Variants in MATN2 observed in about 807,000 individuals in gnomAD.
MATN2 encodes matrilin 2, also known as matrilin-2.
Under a neutral mutation model 103.2 loss-of-function variants are expected in MATN2, and 69 were observed. That is an observed-to-expected ratio of 0.67 (90% CI 0.55 to 0.82). The LOEUF (loss-of-function observed/expected upper bound fraction) is 0.82. Among genes scored for constraint, MATN2 ranks in the 40% least tolerant of loss-of-function variants. The pLI, the probability that MATN2 is intolerant of heterozygous loss-of-function variation, is 0.00. For synonymous variants in MATN2, 429 were observed against 450.2 expected (o/e 0.95, Z 0.60); for missense variants, 1,023 against 1,211.5 (o/e 0.84, Z 2.31).
chr8:97,910,779 A>G (rs1369235930), intron 2 of MATN2, among the ~76,000 whole-genome samples: 1 of 152,102 alleles, frequency 6.6e-6, no homozygotes, highest in Non-Finnish European at 1.5e-5. Flanking sequence ...TGGGCAAATA[A>G]ATTACCCTAA....
intron 7 of MATN2, among the ~76,000 whole-genome samples, chr8:97,996,246 T>C (rs1446534861): frequency 1.3e-5 from 2 of 152,038 alleles, no homozygotes; most frequent in African/African-American, 4.8e-5. Context: ...ACCATCTGAG[T>C]CCCTTAATTT....
chr8:98,025,122 G>C (rs1280195665), intron 13 of MATN2: 1 of 151,994 alleles, frequency 6.6e-6, no homozygotes, highest in East Asian at 1.9e-4. Context: ...GTCTTTTTTT[G>C]GTTCACTCAG....
intron 4 of MATN2, among the ~76,000 whole-genome samples, chr8:97,959,797 T>A (rs1417656535): frequency 6.9e-6 from 1 of 144,506 alleles, no homozygotes; most frequent in African/African-American, 2.7e-5. Context: ...TTTATCTTTT[T>A]AAAAATCAAT....
chr8:97,931,721 G>T lies in MATN2; in HGVS notation c.712+199G>T, dbSNP rs1419672631. ...CATGTTTTTATTTATTTATCTTTTA[G>T]AGACAGGGTCATGCTCTGTCACCCA... On this transcript the variant is annotated intron_variant, in intron 3 of 18. Transcript: ENST00000254898. This position sits in a 1 kb window ranked among gnomAD's most constrained non-coding sequence, Gnocchi z 4.1. Among the ~76,000 whole-genome samples the T allele has an allele frequency of 6.6e-6, 1 of 152,116 alleles. No individual in the cohort carries two copies. The highest frequency in any genetic ancestry group is 2.4e-5 in the African/African-American group (1 of 41,418).
chr8:97,877,208 T>C (rs2129936609), intron 1 of MATN2, among the ~76,000 whole-genome samples: 1 of 152,150 alleles, frequency 6.6e-6, no homozygotes, highest in Middle Eastern at 3.4e-3. Context: ...CCAGGCACAG[T>C]GGCTTATGCC....
Position 98,007,186 on chromosome 8 carries a change from C to T in MATN2, c.1409C>T (p.Ser470Leu), listed in dbSNP as rs773931953. 5.6e-6 allele frequency: 9 copies of T among 1,613,936 alleles called. No individual in the cohort carries two copies. Among genetic ancestry groups the T allele is most frequent in the Admixed American group, 1.7e-5 (1 of 60,016 alleles). ...NTEDSFVCQC[S>L]EGFLINEDLK... ...GAGGATTCCTTCGTCTGCCAGTGCT[C>T]AGAAGGCTTCCTCATCAACGAGGAC... Residue 470 changes from serine to leucine, a missense_variant, in exon 9 of 19, where the codon TCA (serine) becomes TTA (leucine). By Grantham distance (145) the Ser-to-Leu change is moderately radical. Coordinates refer to ENST00000254898, the MANE Select transcript of MATN2 (RefSeq NM_002380.5). This position sits in a 1 kb window ranked among gnomAD's most constrained non-coding sequence, Gnocchi z 4.2.
chr8:97,927,798 AATTG>A (rs1810036671), intron 2 of MATN2, among the ~76,000 whole-genome samples: 2 of 152,272 alleles, frequency 1.3e-5, no homozygotes, highest in Admixed American at 1.3e-4. Flanking sequence ...CTTCCCTTTA[AATTG>A]ATTGTGATGC....
intron 13 of MATN2, among the ~76,000 whole-genome samples, chr8:98,026,318 G>A (rs537806927): frequency 3.3e-5 from 5 of 150,782 alleles, no homozygotes; most frequent in South Asian, 2.1e-4. Context: ...GAAGTGCAGC[G>A]GCACAATCAT....
At chr8:97,998,291 C>A (rs201769157) in intron 7 of MATN2, among the ~76,000 whole-genome samples, 1 of 150,464 alleles carries the variant, frequency 6.6e-6, no homozygotes, top group Admixed American at 6.6e-5. Flanking sequence ...GAGGCCGAGG[C>A]GGGCGGATCA....
chr8:97,988,767 G>A (rs1301458235), intron 6 of MATN2, among the ~76,000 whole-genome samples: 1 of 151,802 alleles, frequency 6.6e-6, no homozygotes, highest in Non-Finnish European at 1.5e-5. Flanking sequence ...AAAATTTGAA[G>A]AAAAACTCAT....
intron 11 of MATN2, 103 bp downstream of exon 11, chr8:98,016,765 A>T: frequency 7.2e-7 from 1 of 1,381,560 alleles, no homozygotes; most frequent in Non-Finnish European, 1.0e-6. Context: ...AGTCAATGCC[A>T]CACAGCAAAA....
At position 98,007,651 on chromosome 8, in the gene MATN2, C is replaced by T. The variant is rs373619341; in HGVS notation, c.1573+50C>T. On this transcript the variant is annotated intron_variant, in intron 10 of 18. Transcript: ENST00000254898. The surrounding 1 kb of genome is among the most constrained non-coding windows in gnomAD (Gnocchi z 4.2). ...ACCTGCACAGGTGTTCCGTGGGTGC[C>T]GGTGTGGGTGCGCTGCCGACGTGTA... 18 of 1,576,770 alleles carry T rather than the reference C, an allele frequency of 1.1e-5. No individual in the cohort carries two copies. The highest frequency in any genetic ancestry group is 1.8e-4 in the Middle Eastern group (1 of 5,662).
At chr8:97,997,567 TCA>T (rs1812626535) in intron 7 of MATN2, among the ~76,000 whole-genome samples, 1 of 152,230 alleles carries the variant, frequency 6.6e-6, no homozygotes, top group Non-Finnish European at 1.5e-5. Flanking sequence ...TCATCTGACC[TCA>T]CAGAGCTTTA....
At chr8:97,988,186 A>ATT in intron 6 of MATN2, among the ~76,000 whole-genome samples, 1 of 108,814 alleles carries the variant, frequency 9.2e-6, no homozygotes, top group Non-Finnish European at 1.8e-5. Context: ...ATATATATAT[A>ATT]TATACACACA....
In MATN2 at chr8:97,964,246, C is replaced by T. The variant is rs16892214; in HGVS notation, c.958+2716C>T. ...GTGGCCTAACCTGAGGGCCAGAAGG[C>T]GCTTATCAAAGATGGAGACTCCAGG... is the stretch of plus-strand genomic sequence containing the variant. On this transcript the variant is annotated intron_variant, in intron 5 of 18. Coordinates refer to ENST00000254898, the MANE Select transcript of MATN2 (RefSeq NM_002380.5). 9.4e-3 allele frequency among the ~76,000 whole-genome samples: 1,426 copies of T among 152,160 alleles called. 24 individuals carry two copies. The highest frequency in any genetic ancestry group is 0.033 in the African/African-American group (1,366 of 41,510).
intron 2 of MATN2, among the ~76,000 whole-genome samples, chr8:97,914,688 C>T (rs758766845): frequency 1.3e-5 from 2 of 152,044 alleles, no homozygotes; most frequent in Admixed American, 6.5e-5. Flanking sequence ...AGGCACATGC[C>T]GTCCACCCAC....
At position 98,027,546 on chromosome 8, in the gene MATN2, C is replaced by T. The variant is rs2290466; in HGVS notation, c.2073C>T (p.Ala691=). ...IIDSLTISPK[A]ARVGLLQYST... ...ATTCCTTGACAATTTCCCCCAAAGC[C>T]GCTCGAGTGGGGCTGCTCCAGTATT... is the stretch of plus-strand genomic sequence containing the variant. Residue 691 remains alanine (A), a synonymous_variant, in exon 14 of 19, where the codon GCC becomes GCT. Transcript: ENST00000254898. 0.082 allele frequency: 133,052 copies of T among 1,613,680 alleles called. 7,823 individuals carry two copies. The highest frequency in any genetic ancestry group is 0.26 in the East Asian group (11,809 of 44,838).
chr8:97,992,928 C>CAATAATAATAAT (rs58706549), intron 6 of MATN2, among the ~76,000 whole-genome samples: 1,572 of 144,568 alleles, frequency 0.011, 22 homozygotes, highest in African/African-American at 0.03. Flanking sequence ...TCAAAACAAA[C>CAATAATAATAAT]AATAATAATA....
chr8:98,015,460 G>C (rs1241699132), intron 10 of MATN2, among the ~76,000 whole-genome samples: 2 of 149,618 alleles, frequency 1.3e-5, no homozygotes, highest in Non-Finnish European at 3.0e-5. Flanking sequence ...GGATGCTCCA[G>C]TCACAGTGGT....
Sources: allele counts gnomAD v4.1 joint callset (sites outside exome capture counted in the v4.1 genomes callset), GRCh38; gene constraint gnomAD v4.1.1; non-coding constraint Gnocchi (gnomAD v3.1); transcripts MANE v1.5; gene names NCBI Gene and HGNC (gene_info 2026-07-23, HGNC 2026-07-21).